Variants in NUP88 observed in about 807,000 individuals in gnomAD.
The protein encoded by NUP88 is nuclear pore complex protein Nup88.
NUP88 carries 57 observed loss-of-function variants against 93.9 expected under a neutral mutation model. That is an observed-to-expected ratio of 0.61 (90% CI 0.49 to 0.76). NUP88 has a LOEUF of 0.76. Ranked by LOEUF, NUP88 falls within the 30% of genes least tolerant of loss-of-function variation. NUP88 has a pLI of 0.00. For synonymous variants in NUP88, 346 were observed against 336.8 expected, an observed-to-expected ratio of 1.03 and a Z score of -0.30; for missense variants, 911 against 901.0, an observed-to-expected ratio of 1.01 and a Z score of -0.14.
At chr17:5,406,117 G>C (rs1036392759) in intron 5 of NUP88, among the ~76,000 whole-genome samples, 10 of 152,122 alleles carry the variant, frequency 6.6e-5, no homozygotes, top group Non-Finnish European at 2.9e-5. Flanking sequence ...CATTTAACCA[G>C]AATTACTATA....
intron 2 of NUP88, among the ~76,000 whole-genome samples, chr17:5,415,739 T>G (rs991511549): frequency 6.6e-6 from 1 of 152,216 alleles, no homozygotes. Context: ...AAATCCATTT[T>G]CAACTTACAC....
intron 2 of NUP88, among the ~76,000 whole-genome samples, chr17:5,416,037 C>T (rs547729304): frequency 2.8e-5 from 4 of 143,212 alleles, no homozygotes; most frequent in South Asian, 2.4e-4. Flanking sequence ...CCCAGTTACT[C>T]GGGAGGCTGA....
At chr17:5,392,119 G>A (rs1912480362) in intron 9 of NUP88, among the ~76,000 whole-genome samples, 1 of 152,202 alleles carries the variant, frequency 6.6e-6, no homozygotes, top group South Asian at 2.1e-4. Context: ...TCCCACTTCA[G>A]TGAAGACACT....
intron 8 of NUP88, among the ~76,000 whole-genome samples, chr17:5,398,584 C>A (rs1031299407): frequency 6.6e-6 from 1 of 150,584 alleles, no homozygotes; most frequent in Non-Finnish European, 1.5e-5. Flanking sequence ...AGCCACTGTG[C>A]CTGGCCTAAC....
intron 8 of NUP88, among the ~76,000 whole-genome samples, 190 bp from the exon 9 acceptor site, chr17:5,395,171 C>T (rs567755038): frequency 6.6e-6 from 1 of 152,282 alleles, no homozygotes; most frequent in African/African-American, 2.4e-5. Context: ...GTAGGATTTT[C>T]CTTCGTAATG....
At chr17:5,415,094 A>C (rs927393397) in intron 2 of NUP88, among the ~76,000 whole-genome samples, 8 of 151,812 alleles carry the variant, frequency 5.3e-5, no homozygotes, top group African/African-American at 1.7e-4. Context: ...ATCTTTGCTC[A>C]CTGCAACCTC....
chr17:5,397,925 T>TG (rs1264536633), intron 8 of NUP88, among the ~76,000 whole-genome samples: 7 of 152,054 alleles, frequency 4.6e-5, no homozygotes, highest in African/African-American at 7.2e-5. Context: ...ATTTTTGAGA[T>TG]GGAGTCTTGC....
chr17:5,390,303 AACTT>A (rs1912335646), intron 10 of NUP88, among the ~76,000 whole-genome samples: 1 of 152,200 alleles, frequency 6.6e-6, no homozygotes, highest in South Asian at 2.1e-4. Context: ...ATGCTGAGGT[AACTT>A]ACAGGTAATT....
intron 7 of NUP88, among the ~76,000 whole-genome samples, chr17:5,401,104 C>A (rs1451054831): frequency 2.6e-5 from 4 of 152,082 alleles, no homozygotes; most frequent in Admixed American, 2.6e-4. Flanking sequence ...ATCTTATTGG[C>A]CGGGTGTGGT....
At chr17:5,418,770 A>G (rs1395989186) in intron 1 of NUP88, among the ~76,000 whole-genome samples, 2 of 152,242 alleles carry the variant, frequency 1.3e-5, no homozygotes, top group African/African-American at 4.8e-5. Flanking sequence ...AAACATTTCC[A>G]TAAACCAATA....
intron 5 of NUP88, among the ~76,000 whole-genome samples, chr17:5,407,322 C>T (rs1913557095): frequency 1.3e-5 from 2 of 152,308 alleles, no homozygotes; most frequent in Middle Eastern, 3.4e-3. Flanking sequence ...TTTACTCCAT[C>T]ACACTCCTGA....
In NUP88 at chr17:5,405,116, C is replaced by G; in HGVS notation, c.985G>C (p.Glu329Gln). ...ACACAGTGATACAGCATTCCTGATT[C>G]AGTAGCGATCACTAAGATATTGGGG... ...CVPNILVIAT[E>Q]SGMLYHCVVL... is the part of the protein sequence containing the mutation. The change falls in exon 6 of 17, where the codon GAA (glutamate) becomes CAA (glutamine). Residue 329 changes from glutamate to glutamine, a missense_variant. Physicochemically the swap from Glu to Gln is conservative, Grantham distance 29. Coordinates refer to ENST00000573584, the MANE Select transcript of NUP88 (RefSeq NM_002532.6). The G allele has an allele frequency of 6.2e-7, 1 of 1,614,180 alleles. No individual in the cohort carries two copies. Among genetic ancestry groups the G allele is most frequent in the South Asian group, 1.1e-5 (1 of 91,076 alleles).
chr17:5,395,103 A>G (rs1450649227), intron 8 of NUP88, 122 bp from the exon 9 acceptor site: 1 of 663,926 alleles, frequency 1.5e-6, no homozygotes, highest in East Asian at 2.7e-5. Flanking sequence ...CTCAAGTACT[A>G]TGCTTTTCTG....
intron 5 of NUP88, among the ~76,000 whole-genome samples, chr17:5,407,519 C>T (rs1357569687): frequency 6.6e-6 from 1 of 152,198 alleles, no homozygotes; most frequent in Admixed American, 6.6e-5. Context: ...AACTCTAATG[C>T]TCAGCCCTTA....
chr17:5,389,564 G>C (rs931434040), intron 10 of NUP88, among the ~76,000 whole-genome samples: 6 of 151,970 alleles, frequency 3.9e-5, no homozygotes, highest in Non-Finnish European at 8.8e-5. Flanking sequence ...GATCACTTGA[G>C]GTCAGGCGTT....
chr17:5,387,141 T>G, intron 14 of NUP88, 31 bp from the exon 15 acceptor site: 4 of 1,609,890 alleles, frequency 2.5e-6, no homozygotes, highest in Non-Finnish European at 3.4e-6. Context: ...CATCTCAATT[T>G]AAGGTCTCTA....
chr17:5,390,157 C>A (rs1296642356), intron 10 of NUP88, among the ~76,000 whole-genome samples: 8 of 127,978 alleles, frequency 6.3e-5, no homozygotes, highest in African/African-American at 2.4e-4. Flanking sequence ...ACAGCAAACT[C>A]CGTCTCAAAA....
chr17:5,402,044 T>C (rs568232291), intron 7 of NUP88, among the ~76,000 whole-genome samples: 38 of 152,254 alleles, frequency 2.5e-4, no homozygotes, highest in African/African-American at 8.9e-4. Flanking sequence ...AGGCTGGGCA[T>C]GGTGGTTTAT....
At chr17:5,388,040 AC>A (rs1912153288) in intron 11 of NUP88, 136 bp from the exon 12 acceptor site, 2 of 909,404 alleles carry the variant, frequency 2.2e-6, no homozygotes. Context: ...TCGCTCTGTC[AC>A]CCAGGCTGGA....
Sources: gnomAD v4.1 joint callset for allele counts (sites outside exome capture counted in the v4.1 genomes callset) on GRCh38, gnomAD v4.1.1 for gene constraint, MANE v1.5 for transcripts, NCBI Gene and HGNC (gene_info 2026-07-23, HGNC 2026-07-21) for gene names.